The following GRM4 variants were observed in gnomAD, a reference collection of about 807,000 sequenced individuals.
The protein encoded by GRM4 is metabotropic glutamate receptor 4.
GRM4 carries 28 observed loss-of-function variants against 81.7 expected under a neutral mutation model. That is an observed-to-expected ratio of 0.34 (90% CI 0.25 to 0.47). The LOEUF is 0.47. GRM4 is among the 20% of genes least tolerant of loss of function. The pLI is 1.00. For synonymous variants in GRM4, 488 were observed against 528.8 expected (o/e 0.92, Z 1.06); for missense variants, 948 against 1,290.0 (o/e 0.73, Z 4.06).
intron 2 of GRM4, among the ~76,000 whole-genome samples, chr6:34,106,694 A>G (rs957754679): frequency 4.6e-5 from 7 of 152,180 alleles, no homozygotes; most frequent in Non-Finnish European, 7.4e-5. Flanking sequence ...GCATCTAGTG[A>G]GGACTGTTTG....
At chr6:34,102,877 C>T (rs767080790) in intron 2 of GRM4, among the ~76,000 whole-genome samples, 23 of 152,354 alleles carry the variant, frequency 1.5e-4, no homozygotes, top group Non-Finnish European at 2.6e-4. Context: ...TTGCCAAGGT[C>T]GCAGAGCTGG....
intron 2 of GRM4, among the ~76,000 whole-genome samples, chr6:34,127,336 C>A (rs1455992259): frequency 6.6e-6 from 1 of 152,188 alleles, no homozygotes; most frequent in East Asian, 1.9e-4. Context: ...AGACTCCAGA[C>A]AGCAAGGCAA....
intron 8 of GRM4, among the ~76,000 whole-genome samples, chr6:34,038,794 T>C (rs1045086432): frequency 1.3e-5 from 2 of 152,156 alleles, no homozygotes; most frequent in Non-Finnish European, 2.9e-5. Flanking sequence ...GGAGGGGCCT[T>C]GTATTCCTGG....
chr6:34,141,338 GGCCT>G (rs1313707366), intron 1 of GRM4, among the ~76,000 whole-genome samples: 1 of 152,204 alleles, frequency 6.6e-6, no homozygotes, highest in Non-Finnish European at 1.5e-5. Flanking sequence ...TAGACACCAC[GGCCT>G]GCCTGTCAGC....
chr6:34,093,811 A>C (rs1768373176), intron 2 of GRM4, among the ~76,000 whole-genome samples: 1 of 152,110 alleles, frequency 6.6e-6, no homozygotes, highest in Non-Finnish European at 1.5e-5. Context: ...GGAAAAGCCC[A>C]AACCACTGAG....
chr6:34,121,661 C>G lies in GRM4; in HGVS notation c.519+11317G>C, dbSNP rs1214530303. Among the ~76,000 whole-genome samples the G allele has an allele frequency of 2.0e-5, 3 of 152,184 alleles. No individual in the cohort carries two copies. The highest frequency in any genetic ancestry group is 4.4e-5 in the Non-Finnish European group (3 of 68,044). ...CACCTCTGCTGGGCCAGGGCCAGGG[C>G]TGAGCAGAGCATCCCTCCTCCTGGG... On this transcript the variant is annotated intron_variant, in intron 2 of 10. Transcript: ENST00000538487. The surrounding 1 kb of genome is among the most constrained non-coding windows in gnomAD (Gnocchi z 4.6).
upstream of GRM4, among the ~76,000 whole-genome samples, chr6:34,151,021 G>A (rs1771034273): frequency 6.6e-6 from 1 of 152,150 alleles, no homozygotes; most frequent in Admixed American, 6.5e-5. Flanking sequence ...CCCACGCCCT[G>A]CCATGCGCTA....
Position 34,040,229 on chromosome 6 carries a change from A to G in GRM4, c.1455T>C (p.Asp485=), listed in dbSNP as rs2229900. ...YDIYQYQLRN[D]SAEYKVIGSW... is the part of the protein sequence containing the mutation. The stretch of plus-strand genomic sequence containing the variant: ...AGCCAATGACCTTGTACTCGGCAGA[A>G]TCGTTGCGCAGCTGGTATTGGTAGA... The change falls in exon 8 of 11, where the codon GAT becomes GAC. Residue 485 remains aspartate (D), a synonymous_variant. Coordinates refer to ENST00000538487, the MANE Select transcript of GRM4 (RefSeq NM_000841.4). 0.27 allele frequency: 431,464 copies of G among 1,613,072 alleles called. 70,109 individuals carry two copies. Among genetic ancestry groups the G allele is most frequent in the African/African-American group, 0.72 (53,933 of 75,004 alleles).
At chr6:34,093,596 C>T (rs1421893775) in intron 2 of GRM4, among the ~76,000 whole-genome samples, 1 of 152,106 alleles carries the variant, frequency 6.6e-6, no homozygotes, top group Non-Finnish European at 1.5e-5. Context: ...TATGGGTGGC[C>T]TAGCAAGGGG....
intron 2 of GRM4, among the ~76,000 whole-genome samples, chr6:34,128,078 G>A (rs572059072): frequency 2.0e-5 from 3 of 152,258 alleles, no homozygotes; most frequent in South Asian, 4.1e-4. Flanking sequence ...GCCCCATTTC[G>A]TGATAGCAAG....
chr6:34,087,886 C>T (rs1332268788), intron 3 of GRM4, among the ~76,000 whole-genome samples: 1 of 150,744 alleles, frequency 6.6e-6, no homozygotes, highest in Admixed American at 6.7e-5. Context: ...TGCCCTCTCC[C>T]CACCAGACCA....
At chr6:34,117,740 T>C (rs962807892) in intron 2 of GRM4, among the ~76,000 whole-genome samples, 3 of 152,130 alleles carry the variant, frequency 2.0e-5, no homozygotes, top group African/African-American at 7.2e-5. Flanking sequence ...TGAGCACCTG[T>C]CTTTCCCATG....
At chr6:34,037,584 G>A (rs747313423) in intron 8 of GRM4, among the ~76,000 whole-genome samples, 1 of 152,110 alleles carries the variant, frequency 6.6e-6, no homozygotes, top group Non-Finnish European at 1.5e-5. Context: ...AGGAAAAGGG[G>A]CCAGGCATGG....
At chr6:34,139,153 C>A (rs13201787) in intron 1 of GRM4, among the ~76,000 whole-genome samples, 2 of 152,206 alleles carry the variant, frequency 1.3e-5, no homozygotes, top group African/African-American at 4.8e-5. Context: ...TTCCTTCCCC[C>A]GTGAGCTGCT....
intron 2 of GRM4, among the ~76,000 whole-genome samples, chr6:34,125,629 G>C (rs951617218): frequency 1.3e-5 from 2 of 152,248 alleles, no homozygotes; most frequent in Non-Finnish European, 2.9e-5. Flanking sequence ...GCCTGCCCAA[G>C]GGCACGCAGA....
intron 9 of GRM4, among the ~76,000 whole-genome samples, chr6:34,032,324 ACAC>A (rs1465882447): frequency 2.0e-5 from 3 of 152,180 alleles, no homozygotes; most frequent in Non-Finnish European, 4.4e-5. Context: ...CTCTGTAGGC[ACAC>A]CACAACTCCT....
rs1378329783 is a variant in GRM4 at position 34,022,761 on chromosome 6, C to T, written c.*60G>A. On this transcript the variant is annotated 3_prime_UTR_variant, in exon 11 of 11. Coordinates refer to ENST00000538487, the MANE Select transcript of GRM4 (RefSeq NM_000841.4). The surrounding 1 kb of genome is among the most constrained non-coding windows in gnomAD (Gnocchi z 5.6). Reference sequence around the variant, plus strand: ...GCTGGGCCCTTGGGTGTGGCCCTGGCCCGACGCACCTTCCACAGGGTCACG... The same window carrying T: ...GCTGGGCCCTTGGGTGTGGCCCTGGTCCGACGCACCTTCCACAGGGTCACG... The T allele has an allele frequency of 2.0e-6, 3 of 1,468,734 alleles. No homozygotes were observed. Among genetic ancestry groups the T allele is most frequent in the East Asian group, 2.3e-5 (1 of 44,200 alleles). The allele number at this position is 1,468,734 out of a possible 1,614,324, so 91.0% of individuals were successfully genotyped here. A position where few individuals can be genotyped will look rare whatever the true frequency, so the allele number is the denominator to read the frequency against.
At chr6:34,154,982 G>C (rs939373089) in intron 1 of GRM4, 25 of 1,060,764 alleles carry the variant, frequency 2.4e-5, no homozygotes, top group Non-Finnish European at 3.1e-5. Context: ...GGGCGGGTCC[G>C]AGCGGGACCC....
intron 6 of GRM4, among the ~76,000 whole-genome samples, chr6:34,051,675 T>C (rs1381537159): frequency 2.6e-5 from 4 of 152,090 alleles, no homozygotes. Context: ...TATCTTCCCG[T>C]AGGCTTGACA....
Sources: gnomAD v4.1 joint callset for allele counts (sites outside exome capture counted in the v4.1 genomes callset) on GRCh38, gnomAD v4.1.1 for gene constraint, Gnocchi (gnomAD v3.1) non-coding constraint, MANE v1.5 for transcripts, NCBI Gene and HGNC (gene_info 2026-07-23, HGNC 2026-07-21) for gene names.